The following CCDC83 variants were observed in gnomAD, a reference collection of about 807,000 sequenced individuals.
The protein encoded by CCDC83 is coiled-coil domain containing 83.
CCDC83 carries 54 observed loss-of-function variants against 50.1 expected under a neutral mutation model. The ratio of observed to expected loss-of-function variants is 1.08; its 90% CI spans 0.87 to 1.35. The LOEUF is 1.35. Ranked by LOEUF, CCDC83 falls within the 40% of genes most tolerant of loss-of-function variation. The pLI, the probability that CCDC83 is intolerant of heterozygous loss-of-function variation, is 0.00. For synonymous variants in CCDC83, 161 were observed against 153.3 expected, an observed-to-expected ratio of 1.05 and a Z score of -0.37; for missense variants, 518 against 473.9, an observed-to-expected ratio of 1.09 and a Z score of -0.86.
chr11:85,891,839 T>C (rs2093351671), intron 5 of CCDC83, among the ~76,000 whole-genome samples: 1 of 152,150 alleles, frequency 6.6e-6, no homozygotes, highest in Non-Finnish European at 1.5e-5. Context: ...TTAATTGCCC[T>C]AACCAAAGTC....
chr11:85,886,398 G>C, intron 5 of CCDC83, 31 bp downstream of exon 5: 1 of 1,543,048 alleles, frequency 6.5e-7, no homozygotes. Flanking sequence ...TTCAAGTTCA[G>C]TAAAAAACAT....
At chr11:85,898,056 G>A (rs2093383288) in intron 6 of CCDC83, among the ~76,000 whole-genome samples, 1 of 151,638 alleles carries the variant, frequency 6.6e-6, no homozygotes, top group African/African-American at 2.4e-5. Context: ...TACTCAGGAG[G>A]CTGAGACAGA....
At chr11:85,917,170 A>AGAGAGAG (rs1565160046) in intron 10 of CCDC83, among the ~76,000 whole-genome samples, 208 of 58,896 alleles carry the variant, frequency 3.5e-3, no homozygotes, top group African/African-American at 8.1e-3. Context: ...GAGAGAGAGA[A>AGAGAGAG]AGAAAGAAAG....
intron 7 of CCDC83, among the ~76,000 whole-genome samples, chr11:85,903,496 T>G: frequency 6.6e-6 from 1 of 150,684 alleles, no homozygotes; most frequent in African/African-American, 2.4e-5. Flanking sequence ...ACAGATGGGG[T>G]TTCATCATGT....
At chr11:85,885,734 T>C (rs1395020941) in intron 4 of CCDC83, among the ~76,000 whole-genome samples, 2 of 152,188 alleles carry the variant, frequency 1.3e-5, no homozygotes, top group African/African-American at 2.4e-5. Context: ...TTTAGATGAC[T>C]GAATCAAACA....
intron 1 of CCDC83, among the ~76,000 whole-genome samples, chr11:85,863,128 T>C (rs1437118506): frequency 6.6e-6 from 1 of 152,248 alleles, no homozygotes; most frequent in Non-Finnish European, 1.5e-5. Context: ...CTCTTCCATA[T>C]GACTTAGAAA....
At chr11:85,882,097 G>A (rs1000044917) in intron 3 of CCDC83, among the ~76,000 whole-genome samples, 8 of 151,794 alleles carry the variant, frequency 5.3e-5, no homozygotes, top group Non-Finnish European at 5.9e-5. Context: ...TTTCAGACCA[G>A]CATAGCAACA....
At chr11:85,916,477 C>T in intron 10 of CCDC83, 1 of 422,808 alleles carries the variant, frequency 2.4e-6, no homozygotes, top group South Asian at 2.5e-5. Context: ...TTATCTAATG[C>T]TACATAACAA....
chr11:85,883,035 AG>A (rs1405921930), intron 4 of CCDC83, among the ~76,000 whole-genome samples: 1 of 152,114 alleles, frequency 6.6e-6, no homozygotes, highest in Non-Finnish European at 1.5e-5. Flanking sequence ...CTCCCACCTC[AG>A]CCTCCCAAGT....
chr11:85,917,134 AAGAGAGAGAGAGAGAGAG>A (rs201907138), intron 10 of CCDC83, among the ~76,000 whole-genome samples: 1 of 77,882 alleles, frequency 1.3e-5, no homozygotes, highest in Non-Finnish European at 2.4e-5. Flanking sequence ...AAGAAAAAGA[AAGAGAGAGAGAGAGAGAG>A]AGAGAGAGAG....
Position 85,909,915 on chromosome 11 carries a change from A to T in CCDC83, c.673-1366A>T, listed in dbSNP as rs552392267. Among the ~76,000 whole-genome samples, 18 of 152,276 alleles carry T rather than the reference A, an allele frequency of 1.2e-4. 1 individual carries two copies. The highest frequency in any genetic ancestry group is 4.1e-4 in the African/African-American group (17 of 41,560). ...AAACATTAAGCCTGCTATGTTTATC[A>T]ATGACCTTCCATCACCTACAGGATA... is the stretch of plus-strand genomic sequence containing the variant. On this transcript the variant is annotated intron_variant, in intron 7 of 10. Transcript: ENST00000342404.
intron 3 of CCDC83, among the ~76,000 whole-genome samples, chr11:85,875,175 T>G (rs975308561): frequency 6.6e-6 from 1 of 152,108 alleles, no homozygotes; most frequent in Non-Finnish European, 1.5e-5. Context: ...TTTCTGAGCA[T>G]GCAAAAAATG....
Position 85,886,240 on chromosome 11 carries a change from T to C in CCDC83, c.384T>C (p.Leu128=). The change falls in exon 5 of 11, where the codon CTT becomes CTC. Residue 128 remains leucine, a synonymous_variant. Coordinates refer to ENST00000342404, the MANE Select transcript of CCDC83 (RefSeq NM_001286159.2). ...TAAGTAATGCTGAGAAACTATTTCTTGAGAAACTCAGTGAAAAGGAATATT... is the reference window on the plus strand; with the variant it reads ...TAAGTAATGCTGAGAAACTATTTCTCGAGAAACTCAGTGAAAAGGAATATT... ...MQISNAEKLF[L]EKLSEKEYWE... 1 of 1,600,332 alleles carries C rather than the reference T, an allele frequency of 6.2e-7. No individual in the cohort carries two copies. Among genetic ancestry groups the C allele is most frequent in the Non-Finnish European group, 8.5e-7 (1 of 1,175,410 alleles).
chr11:85,864,468 G>A (rs1367257372), intron 1 of CCDC83, among the ~76,000 whole-genome samples: 3 of 152,158 alleles, frequency 2.0e-5, no homozygotes, highest in Non-Finnish European at 4.4e-5. Flanking sequence ...TTTAAAAGGT[G>A]TTTTTGATTT....
intron 2 of CCDC83, among the ~76,000 whole-genome samples, chr11:85,872,468 G>C (rs1034893306): frequency 6.6e-6 from 1 of 152,068 alleles, no homozygotes; most frequent in African/African-American, 2.4e-5. Context: ...CTGGGCGACA[G>C]AGCGAGATTC....
At chr11:85,866,661 C>CA (rs1305676726) in intron 2 of CCDC83, among the ~76,000 whole-genome samples, 6 of 114,164 alleles carry the variant, frequency 5.3e-5, no homozygotes, top group South Asian at 2.8e-4. Flanking sequence ...CTCAAAAAAA[C>CA]AAAACAAAAA....
intron 5 of CCDC83, among the ~76,000 whole-genome samples, chr11:85,888,464 ATC>A (rs1335654875): frequency 2.0e-5 from 3 of 152,204 alleles, no homozygotes; most frequent in Admixed American, 2.0e-4. Flanking sequence ...ATCTGTTCAT[ATC>A]TGTCACCCAT....
At chr11:85,917,942 A>G (rs1242189227) in intron 10 of CCDC83, 1 of 152,188 alleles carries the variant, frequency 6.6e-6, no homozygotes, top group African/African-American at 2.4e-5. Flanking sequence ...TCAAACTGCC[A>G]TGGCCATGGT....
At position 85,882,541 on chromosome 11, in the gene CCDC83, G is replaced by A; in HGVS notation, c.209G>A (p.Trp70Ter). The A allele has an allele frequency of 6.2e-7, 1 of 1,613,820 alleles. No individual in the cohort carries two copies. The highest frequency in any genetic ancestry group is 8.5e-7 in the Non-Finnish European group (1 of 1,179,850). ...AGCCGCTTAAAAGAAGAACAGATTTGGCACATACGGCATCTACTAAAGGAA... is the reference window on the plus strand; with the variant it reads ...AGCCGCTTAAAAGAAGAACAGATTTAGCACATACGGCATCTACTAAAGGAA... ...RNSRLKEEQI[W>*]HIRHLLKELS... The change falls in exon 4 of 11, where the codon TGG (tryptophan) becomes TAG (stop). Residue 70 changes from tryptophan to a stop codon, truncating the protein, a stop_gained. Transcript: ENST00000342404. LOFTEE classifies it high-confidence loss of function.
Sources: allele counts gnomAD v4.1 joint callset (sites outside exome capture counted in the v4.1 genomes callset), GRCh38; gene constraint gnomAD v4.1.1; transcripts MANE v1.5; gene names NCBI Gene and HGNC (gene_info 2026-07-23, HGNC 2026-07-21).